Variants in SMYD3 observed in about 807,000 individuals in gnomAD.
SMYD3 encodes histone-lysine N-methyltransferase SMYD3.
SMYD3 carries 36 observed loss-of-function variants against 57.7 expected under a neutral mutation model. That is an observed-to-expected ratio of 0.62 (90% CI 0.48 to 0.82). SMYD3 has a LOEUF of 0.82. Among genes scored for constraint, SMYD3 ranks in the 40% least tolerant of loss-of-function variants. The probability of loss-of-function intolerance (pLI) is 0.00; values close to 1 mark genes in which losing one functional copy is unlikely to be tolerated. For missense variants in SMYD3, 515 were observed against 538.8 expected, an observed-to-expected ratio of 0.96 and a Z score of 0.44; for synonymous variants, 211 against 195.0, an observed-to-expected ratio of 1.08 and a Z score of -0.68.
intron 5 of SMYD3, among the ~76,000 whole-genome samples, chr1:246,198,373 T>C (rs1048820484): frequency 6.6e-6 from 1 of 152,256 alleles, no homozygotes; most frequent in Non-Finnish European, 1.5e-5. Flanking sequence ...TCACATGATA[T>C]GAACTCTGTT....
At chr1:246,043,631 A>G (rs1404649225) in intron 5 of SMYD3, among the ~76,000 whole-genome samples, 1 of 152,250 alleles carries the variant, frequency 6.6e-6, no homozygotes, top group African/African-American at 2.4e-5. Context: ...GGTGACTTGG[A>G]GCAAGACACC....
intron 10 of SMYD3, among the ~76,000 whole-genome samples, chr1:245,833,222 A>C (rs997368339): frequency 1.3e-5 from 2 of 152,168 alleles, no homozygotes; most frequent in African/African-American, 4.8e-5. Context: ...TACATTACCA[A>C]GGAACATTTG....
chr1:246,209,993 T>C (rs4607841), intron 5 of SMYD3, among the ~76,000 whole-genome samples: 62,834 of 151,996 alleles, frequency 0.41, 14,561 homozygotes, highest in East Asian at 0.79. Flanking sequence ...CTTCACTAAT[T>C]CTTCGACTTC....
intron 5 of SMYD3, among the ~76,000 whole-genome samples, chr1:246,082,331 CT>C (rs1277984612): frequency 6.6e-6 from 1 of 152,172 alleles, no homozygotes; most frequent in African/African-American, 2.4e-5. Context: ...GATAACATTA[CT>C]ATTGTAGTAC....
chr1:245,844,031 C>G (rs2050538155), intron 10 of SMYD3, among the ~76,000 whole-genome samples: 1 of 152,136 alleles, frequency 6.6e-6, no homozygotes, highest in Non-Finnish European at 1.5e-5. Context: ...ACTGTTCTTC[C>G]TAATTTGCTG....
At chr1:246,496,277 G>A (rs572306803) in intron 1 of SMYD3, among the ~76,000 whole-genome samples, 1 of 151,862 alleles carries the variant, frequency 6.6e-6, no homozygotes, top group East Asian at 2.0e-4. Flanking sequence ...CTCGTGATCT[G>A]CCCGTCTCAG....
chr1:246,430,080 T>C (rs1311518298), intron 1 of SMYD3, among the ~76,000 whole-genome samples: 2 of 77,072 alleles, frequency 2.6e-5, no homozygotes, highest in South Asian at 5.8e-4. Context: ...TACTAAATAA[T>C]CATACGAGAA....
intron 5 of SMYD3, among the ~76,000 whole-genome samples, chr1:245,956,480 G>T (rs929767528): frequency 3.9e-5 from 6 of 152,214 alleles, no homozygotes; most frequent in Non-Finnish European, 8.8e-5. Flanking sequence ...GACGTGTTGG[G>T]TGCCTACCCC....
intron 1 of SMYD3, among the ~76,000 whole-genome samples, chr1:246,474,567 C>T (rs2068003936): frequency 6.7e-6 from 1 of 148,798 alleles, no homozygotes; most frequent in African/African-American, 2.5e-5. Context: ...TGAGGTTTCA[C>T]TACTTGTTTT....
At chr1:245,813,307 C>G (rs907488173) in intron 10 of SMYD3, among the ~76,000 whole-genome samples, 29 of 152,130 alleles carry the variant, frequency 1.9e-4, no homozygotes, top group Admixed American at 1.8e-3. Context: ...GCCACCGCAC[C>G]AGGCCTAGAC....
chr1:245,932,622 C>CG (rs879688555), intron 5 of SMYD3, among the ~76,000 whole-genome samples: 10 of 152,104 alleles, frequency 6.6e-5, no homozygotes, highest in Non-Finnish European at 1.0e-4. Flanking sequence ...TGCAGTGGTG[C>CG]GATCATGGCT....
Position 246,355,595 on chromosome 1 carries a change from T to TGTGGGGGCACG in SMYD3, c.165-512_165-502dup, listed in dbSNP as rs1441933830. 2.0e-5 allele frequency among the ~76,000 whole-genome samples: 3 copies of TGTGGGGGCACG among 152,100 alleles called. No homozygotes were observed. Among genetic ancestry groups the TGTGGGGGCACG allele is most frequent in the African/African-American group, 7.2e-5 (3 of 41,438 alleles). On this transcript the variant is annotated intron_variant, in intron 1 of 11. Coordinates refer to ENST00000490107, the MANE Select transcript of SMYD3 (RefSeq NM_001167740.2). This position sits in a 1 kb window ranked among gnomAD's most constrained non-coding sequence, Gnocchi z 5.0. ...TGCCTGGAAACAGACTCCGTGCTGC[T>TGTGGGGGCACG]GTGGGGGCACGGTGGGAGTGAGACC...
chr1:246,130,895 T>C (rs925842891), intron 5 of SMYD3, among the ~76,000 whole-genome samples: 3 of 152,154 alleles, frequency 2.0e-5, no homozygotes, highest in Admixed American at 6.5e-5. Flanking sequence ...CTTTACTTAA[T>C]AGAGAATAAC....
intron 8 of SMYD3, among the ~76,000 whole-genome samples, chr1:245,872,384 A>T (rs902074964): frequency 6.7e-6 from 1 of 148,174 alleles, no homozygotes; most frequent in African/African-American, 2.5e-5. Flanking sequence ...GAGCTGGCCG[A>T]CCCCAGGATG....
chr1:245,983,406 G>A (rs938177645), intron 5 of SMYD3, among the ~76,000 whole-genome samples: 6 of 152,132 alleles, frequency 3.9e-5, no homozygotes, highest in Non-Finnish European at 7.3e-5. Context: ...GAAATGAAAC[G>A]ACAACCAGCT....
chr1:246,060,547 A>G (rs1323694824), intron 5 of SMYD3, among the ~76,000 whole-genome samples: 1 of 151,724 alleles, frequency 6.6e-6, no homozygotes, highest in Non-Finnish European at 1.5e-5. Context: ...AAATAGAAAA[A>G]GCAGAAAAGC....
chr1:246,016,346 G>T (rs1317525342), intron 5 of SMYD3, among the ~76,000 whole-genome samples: 2 of 152,106 alleles, frequency 1.3e-5, no homozygotes, highest in Non-Finnish European at 2.9e-5. Flanking sequence ...ATTTTGGGAG[G>T]CCGAGGCAGG....
chr1:246,310,282 G>A (rs1572364828), intron 5 of SMYD3, among the ~76,000 whole-genome samples: 1 of 152,050 alleles, frequency 6.6e-6, no homozygotes, highest in South Asian at 2.1e-4. Flanking sequence ...AGAATGACAC[G>A]AATAGACTGG....
chr1:245,915,009 T>C (rs1244247554), intron 8 of SMYD3, among the ~76,000 whole-genome samples: 1 of 152,206 alleles, frequency 6.6e-6, no homozygotes, highest in African/African-American at 2.4e-5. Flanking sequence ...GAAACCATTC[T>C]GTATCTTGAT....
Sources: allele counts gnomAD v4.1 joint callset (sites outside exome capture counted in the v4.1 genomes callset), GRCh38; gene constraint gnomAD v4.1.1; non-coding constraint Gnocchi (gnomAD v3.1); transcripts MANE v1.5; gene names NCBI Gene and HGNC (gene_info 2026-07-23, HGNC 2026-07-21).